Variants in AKTIP observed in about 807,000 individuals in gnomAD.
AKTIP encodes AKT interacting protein.
In AKTIP, 16 loss-of-function variants were observed where a neutral mutation model predicts 39.1. The ratio of observed to expected loss-of-function variants is 0.41; its 90% CI spans 0.28 to 0.62. The LOEUF is 0.62. AKTIP is among the 20% of genes least tolerant of loss of function. AKTIP has a pLI of 0.32. For synonymous variants in AKTIP, 93 were observed against 124.3 expected (o/e 0.75, Z 1.67); for missense variants, 262 against 356.6 (o/e 0.73, Z 2.14).
chr16:53,499,448 AG>A (rs1219612239), intron 2 of AKTIP, among the ~76,000 whole-genome samples: 7 of 127,362 alleles, frequency 5.5e-5, no homozygotes, highest in Non-Finnish European at 4.8e-5. Flanking sequence ...GTGAGATTAT[AG>A]TTTTTTTTTT....
chr16:53,496,750 AGAGGCAGAGGCTCTGAG>A (rs1005919447), intron 3 of AKTIP, among the ~76,000 whole-genome samples: 6 of 152,198 alleles, frequency 3.9e-5, no homozygotes, highest in Middle Eastern at 3.4e-3. Flanking sequence ...AGGAGAATCC[AGAGGCAGAGGCTCTGAG>A]GAGGCAGAGG....
chr16:53,496,702 C>T lies in AKTIP; in HGVS notation c.249-1376G>A, dbSNP rs12444059. ...TACAAAAATTAGCCGGGTGTGGTGG[C>T]GCACACCTGTAGTCCCAGCTACTCC... is the stretch of plus-strand genomic sequence containing the variant. On this transcript the variant is annotated intron_variant, in intron 3 of 9. Transcript: ENST00000394657. Among the ~76,000 whole-genome samples, 258 of 151,996 alleles carry T rather than the reference C, an allele frequency of 1.7e-3. 4 individuals carry two copies. Among genetic ancestry groups the T allele is most frequent in the Admixed American group, 0.016 (237 of 15,244 alleles).
At chr16:53,493,168 C>T (rs995255572) in intron 8 of AKTIP, 1 of 170,294 alleles carries the variant, frequency 5.9e-6, no homozygotes, top group African/African-American at 2.4e-5. Context: ...CTCCTAGATT[C>T]AGGCCATTCT....
At chr16:53,499,549 T>C (rs1962045914) in intron 2 of AKTIP, among the ~76,000 whole-genome samples, 1 of 150,582 alleles carries the variant, frequency 6.6e-6, no homozygotes, top group Admixed American at 6.6e-5. Flanking sequence ...AAGCTTTGCC[T>C]CCTGGGTTGA....
intron 1 of AKTIP, chr16:53,501,576 G>C (rs1031080870): frequency 7.2e-5 from 11 of 152,228 alleles, no homozygotes; most frequent in African/African-American, 2.7e-4. Flanking sequence ...AACGGCTGAA[G>C]GTGAAAAGGG....
chr16:53,498,035 G>A (rs941786759), intron 3 of AKTIP, among the ~76,000 whole-genome samples: 5 of 152,182 alleles, frequency 3.3e-5, no homozygotes, highest in Non-Finnish European at 7.4e-5. Flanking sequence ...GGCGTGAGCC[G>A]CCATGCCCGG....
At chr16:53,493,946 A>G (rs1214152752) in intron 8 of AKTIP, 192 bp downstream of exon 8, 2 of 556,248 alleles carry the variant, frequency 3.6e-6, no homozygotes, top group Non-Finnish European at 6.4e-6. Context: ...AGCCTGTCAG[A>G]TGTGAAGCTT....
intron 8 of AKTIP, 159 bp from the exon 9 acceptor site, chr16:53,492,912 TCA>T (rs1961582309): frequency 1.6e-6 from 1 of 635,896 alleles, no homozygotes; most frequent in South Asian, 2.0e-5. Flanking sequence ...ATTAATTTTC[TCA>T]CATAACTATC....
At chr16:53,494,744 T>C in intron 5 of AKTIP, 139 bp from the exon 6 acceptor site, 1 of 839,680 alleles carries the variant, frequency 1.2e-6, no homozygotes, top group Non-Finnish European at 1.9e-6. Context: ...AGAGGGCTAC[T>C]TAACTACTTT....
intron 5 of AKTIP, 71 bp from the exon 6 acceptor site, chr16:53,494,676 G>C: frequency 7.0e-7 from 1 of 1,428,774 alleles, no homozygotes; most frequent in Non-Finnish European, 9.7e-7. Flanking sequence ...TAGGAATCGT[G>C]ATAAAAAGAG....
At chr16:53,499,457 T>G (rs1035593564) in intron 2 of AKTIP, among the ~76,000 whole-genome samples, 7 of 151,662 alleles carry the variant, frequency 4.6e-5, no homozygotes, top group African/African-American at 9.7e-5. Context: ...TAGTTTTTTT[T>G]TTTTTTTTTT....
In AKTIP at chr16:53,500,254, G is replaced by A; in HGVS notation, c.6C>T (p.Asn2=). The A allele has an allele frequency of 6.2e-7, 1 of 1,612,916 alleles. No individual in the cohort carries two copies. The highest frequency in any genetic ancestry group is 1.1e-5 in the South Asian group (1 of 90,790). M[N]PFWSMSTSSV... is the part of the protein sequence containing the mutation. ...AGCTTGTAGACATGCTCCAGAAAGG[G>A]TTCATAACGTGTATTCCAAACAAAG... The change falls in exon 2 of 10, where the codon AAC becomes AAT. Residue 2 remains asparagine (N), a synonymous_variant. Transcript: ENST00000394657.
chr16:53,501,864 G>C (rs1962188440), intron 1 of AKTIP: 1 of 152,172 alleles, frequency 6.6e-6, no homozygotes, highest in Non-Finnish European at 1.5e-5. Flanking sequence ...CCGCAAATCT[G>C]CCTTTAAAGG....
intron 1 of AKTIP, 37 bp from the exon 2 acceptor site, chr16:53,500,366 C>T: frequency 1.4e-6 from 2 of 1,413,372 alleles, no homozygotes; most frequent in Non-Finnish European, 9.6e-7. Flanking sequence ...AACATGCCAA[C>T]ACCAACCATT....
chr16:53,504,109 T>TTA (rs1555574070), upstream of AKTIP, among the ~76,000 whole-genome samples: 854 of 141,682 alleles, frequency 6.0e-3, 73 homozygotes, highest in African/African-American at 0.022. Flanking sequence ...TTTTTTTTTT[T>TTA]AATTCACACG....
rs1448547470 is a variant in AKTIP, at chr16:53,491,800, C to G, written c.*612G>C. 6.6e-6 allele frequency: 1 copy of G among 151,438 alleles called. No homozygotes were observed. The highest frequency in any genetic ancestry group is 2.4e-5 in the African/African-American group (1 of 40,990). 9.4% of individuals were successfully genotyped at this position (151,438 alleles called of 1,614,324 possible). A position where few individuals can be genotyped will look rare whatever the true frequency, so the allele number is the denominator to read the frequency against. On this transcript the variant is annotated 3_prime_UTR_variant, in exon 10 of 10. Transcript: ENST00000394657. ...TAGAAACCGTTGTAACACTTTTTCT[C>G]CCTCCTGCCATAAAAATACAGTAAG...
chr16:53,503,886 G>C (rs554617959), upstream of AKTIP, among the ~76,000 whole-genome samples: 60 of 152,222 alleles, frequency 3.9e-4, no homozygotes, highest in African/African-American at 1.3e-3. Flanking sequence ...TCAGCTCCAA[G>C]TGGGCCCTGG....
chr16:53,503,062 T>C (rs1028888675), intron 1 of AKTIP, 85 bp downstream of exon 1: 2 of 152,172 alleles, frequency 1.3e-5, no homozygotes, highest in Admixed American at 6.5e-5. Context: ...GATGGACAAA[T>C]GCCGGGCCCG....
chr16:53,498,396 T>C lies in AKTIP; in HGVS notation c.243A>G (p.Ala81=), dbSNP rs1185149413. The part of the protein sequence containing the change: ...GPFYLEYSLL[A]EFTLVVKQKL... ...ATAGTTTGTTAAGGACTTACAATTC[T>C]GCAAGAAGAGAGTATTCCAGGTAGA... The change falls in exon 3 of 10, where the codon GCA becomes GCG. Residue 81 remains alanine, a synonymous_variant. Transcript: ENST00000394657. 1 of 1,613,752 alleles carries C rather than the reference T, an allele frequency of 6.2e-7. No individual in the cohort carries two copies. The highest frequency in any genetic ancestry group is 1.3e-5 in the African/African-American group (1 of 74,934).
Sources: gnomAD v4.1 joint callset for allele counts (sites outside exome capture counted in the v4.1 genomes callset) on GRCh38, gnomAD v4.1.1 for gene constraint, MANE v1.5 for transcripts, NCBI Gene and HGNC (gene_info 2026-07-23, HGNC 2026-07-21) for gene names.